EPS8: variants seen among roughly 807,000 people sequenced by gnomAD.
EPS8 encodes EGFR pathway substrate 8, signaling adaptor, also known as epidermal growth factor receptor kinase substrate 8.
Under a neutral mutation model 103.8 loss-of-function variants are expected in EPS8, and 42 were observed. That is an observed-to-expected ratio of 0.40 (90% CI 0.32 to 0.52). EPS8 has a LOEUF of 0.52. Among genes scored for constraint, EPS8 ranks in the 20% least tolerant of loss-of-function variants. The pLI is 0.40. For synonymous variants in EPS8, 344 were observed against 344.6 expected (o/e 1.00, Z 0.02); for missense variants, 969 against 1,005.1 (o/e 0.96, Z 0.49).
Position 15,704,510 on chromosome 12 carries a change from A to T in EPS8, c.-21-21538T>A, listed in dbSNP as rs754981967. ...AATACTCTATGATTCTCCTTAAATGAAGAACTTGGAATAGTCAAATTCAAA... is the reference window on the plus strand; with the variant it reads ...AATACTCTATGATTCTCCTTAAATGTAGAACTTGGAATAGTCAAATTCAAA... On this transcript the variant is annotated intron_variant, in intron 1 of 20. Coordinates refer to ENST00000281172, the MANE Select transcript of EPS8 (RefSeq NM_004447.6). The surrounding 1 kb of genome is among the most constrained non-coding windows in gnomAD (Gnocchi z 4.6). Among the ~76,000 whole-genome samples the T allele has an allele frequency of 2.0e-5, 3 of 152,202 alleles. No individual in the cohort carries two copies. The highest frequency in any genetic ancestry group is 4.4e-5 in the Non-Finnish European group (3 of 68,032).
rs1053368727 is a variant in EPS8 at position 15,696,632 on chromosome 12, T to G, written c.-21-13660A>C. ...CTCCAGCCTGGCGACAGAGCGAGACTCTGTCTCAAATAAAAAAACAAAAAC... is the reference window on the plus strand; with the variant it reads ...CTCCAGCCTGGCGACAGAGCGAGACGCTGTCTCAAATAAAAAAACAAAAAC... On this transcript the variant is annotated intron_variant, in intron 1 of 20. Transcript: ENST00000281172. This position sits in a 1 kb window ranked among gnomAD's most constrained non-coding sequence, Gnocchi z 4.8. 1.3e-5 allele frequency among the ~76,000 whole-genome samples: 2 copies of G among 152,000 alleles called. No individual in the cohort carries two copies. Among genetic ancestry groups the G allele is most frequent in the Non-Finnish European group, 2.9e-5 (2 of 68,006 alleles).
intron 3 of EPS8, among the ~76,000 whole-genome samples, chr12:15,678,145 G>T (rs1383920874): frequency 6.6e-6 from 1 of 151,892 alleles, no homozygotes; most frequent in African/African-American, 2.4e-5. Context: ...ATGCAGACTG[G>T]GATGCTAAAC....
rs114421240 is a variant in EPS8, at chr12:15,623,646, G to C, written c.2226-359C>G. Among the ~76,000 whole-genome samples, 1,326 of 152,280 alleles carry C rather than the reference G, an allele frequency of 8.7e-3. 26 individuals carry two copies. Among genetic ancestry groups the C allele is most frequent in the African/African-American group, 0.031 (1,272 of 41,552 alleles). ...CTCATTTTTCAATCATGCTGGGTAG[G>C]TGAGTTTATAATATGTCAAGGTCCC... On this transcript the variant is annotated intron_variant, in intron 19 of 20. Coordinates refer to ENST00000281172, the MANE Select transcript of EPS8 (RefSeq NM_004447.6).
rs117301822 is a variant in EPS8, at chr12:15,658,711, G to A, written c.938-126C>T. The A allele has an allele frequency of 2.0e-3, 1,342 of 673,804 alleles. 26 individuals are homozygous for A. In the East Asian group the frequency reaches 0.031, roughly 15 times the overall value. 41.7% of individuals were successfully genotyped at this position (673,804 alleles called of 1,614,324 possible). ...TCATCAGACATGCTACCTAGTTACC[G>A]TGCTACATCTCATAGTCTGACTGTA... On this transcript the variant is annotated intron_variant, in intron 10 of 20. Transcript: ENST00000281172.
intron 1 of EPS8, among the ~76,000 whole-genome samples, chr12:15,753,236 TA>T (rs1565530717): frequency 6.6e-6 from 1 of 152,170 alleles, no homozygotes; most frequent in East Asian, 1.9e-4. Flanking sequence ...TTGTTACTTT[TA>T]AAAAGATTTT....
intron 1 of EPS8, among the ~76,000 whole-genome samples, chr12:15,775,755 TTAGAG>T (rs936774521): frequency 5.9e-5 from 9 of 152,304 alleles, no homozygotes; most frequent in African/African-American, 2.2e-4. Flanking sequence ...ATCTTGTCAA[TTAGAG>T]TATTCTCATT....
chr12:15,659,015 A>G (rs1945556804), intron 10 of EPS8, among the ~76,000 whole-genome samples: 1 of 152,208 alleles, frequency 6.6e-6, no homozygotes, highest in Non-Finnish European at 1.5e-5. Context: ...AAAGTAGCTT[A>G]TAAGATGGGA....
chr12:15,715,650 GC>G (rs1395473505), intron 1 of EPS8, among the ~76,000 whole-genome samples: 1 of 151,666 alleles, frequency 6.6e-6, no homozygotes, highest in East Asian at 1.9e-4. Context: ...AAAGTGCCCA[GC>G]TAATTTTTTG....
intron 1 of EPS8, among the ~76,000 whole-genome samples, chr12:15,719,128 C>T (rs1408796748): frequency 6.6e-6 from 1 of 151,652 alleles, no homozygotes. Context: ...GGGGAAATGC[C>T]CAAGTTTAAT....
intron 1 of EPS8, among the ~76,000 whole-genome samples, chr12:15,741,783 T>C (rs1331335634): frequency 2.0e-5 from 3 of 152,184 alleles, no homozygotes; most frequent in Non-Finnish European, 4.4e-5. Context: ...TACATATGTA[T>C]ACATGTGCCA....
Position 15,704,187 on chromosome 12 carries a change from C to T in EPS8, c.-21-21215G>A, listed in dbSNP as rs1946353348. On this transcript the variant is annotated intron_variant, in intron 1 of 20. Transcript: ENST00000281172. This position sits in a 1 kb window ranked among gnomAD's most constrained non-coding sequence, Gnocchi z 4.6. ...CAGTATGGCAGCTCCTCAAAAAAAT[C>T]AAGCATAGAATTACTATATGATCCA... is the stretch of plus-strand genomic sequence containing the variant. 6.6e-6 allele frequency among the ~76,000 whole-genome samples: 1 copy of T among 151,982 alleles called. No homozygotes were observed. Among genetic ancestry groups the T allele is most frequent in the Admixed American group, 6.6e-5 (1 of 15,260 alleles).
At chr12:15,753,882 T>C (rs1277611885) in intron 1 of EPS8, among the ~76,000 whole-genome samples, 1 of 152,180 alleles carries the variant, frequency 6.6e-6, no homozygotes, top group African/African-American at 2.4e-5. Context: ...CATGTAAACA[T>C]TAAGTAACAA....
At chr12:15,711,876 C>G (rs1458192260) in intron 1 of EPS8, among the ~76,000 whole-genome samples, 1 of 152,204 alleles carries the variant, frequency 6.6e-6, no homozygotes, top group Non-Finnish European at 1.5e-5. Flanking sequence ...GGCACCTAAA[C>G]TCAAGAACCT....
chr12:15,747,464 C>T lies in EPS8; in HGVS notation c.-22+41697G>A, dbSNP rs998735049. 6.6e-6 allele frequency among the ~76,000 whole-genome samples: 1 copy of T among 152,118 alleles called. No homozygotes were observed. Among genetic ancestry groups the T allele is most frequent in the African/African-American group, 2.4e-5 (1 of 41,428 alleles). On this transcript the variant is annotated intron_variant, in intron 1 of 20. Coordinates refer to ENST00000281172, the MANE Select transcript of EPS8 (RefSeq NM_004447.6). This position sits in a 1 kb window ranked among gnomAD's most constrained non-coding sequence, Gnocchi z 4.4. ...TAGGAGCAGCTGGTTAGTTCCAGTA[C>T]TACCAATTCAGTAATCTTATAAGTT...
chr12:15,750,346 A>C (rs1427706842), intron 1 of EPS8, among the ~76,000 whole-genome samples: 1 of 152,212 alleles, frequency 6.6e-6, no homozygotes, highest in Admixed American at 6.5e-5. Flanking sequence ...CTTTGATCCC[A>C]TAAGCAGTCC....
intron 18 of EPS8, among the ~76,000 whole-genome samples, chr12:15,627,789 G>A (rs1440638212): frequency 6.6e-6 from 1 of 152,144 alleles, no homozygotes; most frequent in East Asian, 1.9e-4. Context: ...ATGTGTCTGT[G>A]TATTTTAAAA....
chr12:15,754,385 A>C (rs1412496423), intron 1 of EPS8, among the ~76,000 whole-genome samples: 1 of 152,208 alleles, frequency 6.6e-6, no homozygotes, highest in East Asian at 1.9e-4. Flanking sequence ...GGAAATCTTG[A>C]ATCTCTTCAC....
chr12:15,774,632 TATAC>T (rs994129072), intron 1 of EPS8, among the ~76,000 whole-genome samples: 5 of 147,414 alleles, frequency 3.4e-5, no homozygotes, highest in Admixed American at 1.4e-4. Flanking sequence ...TAAATATAAA[TATAC>T]ATACATACAT....
intron 18 of EPS8, among the ~76,000 whole-genome samples, chr12:15,631,081 T>C (rs953074393): frequency 5.9e-5 from 9 of 152,210 alleles, no homozygotes; most frequent in African/African-American, 2.2e-4. Flanking sequence ...GATACTATTA[T>C]TTTTCTCCAC....
Sources: gnomAD v4.1 joint callset for allele counts (sites outside exome capture counted in the v4.1 genomes callset) on GRCh38, gnomAD v4.1.1 for gene constraint, Gnocchi (gnomAD v3.1) non-coding constraint, MANE v1.5 for transcripts, NCBI Gene and HGNC (gene_info 2026-07-23, HGNC 2026-07-21) for gene names.